Variants in ZFYVE28 observed in about 807,000 individuals in gnomAD.
ZFYVE28 encodes the protein lateral signaling target protein 2 homolog.
ZFYVE28 carries 40 observed loss-of-function variants against 82.1 expected under a neutral mutation model. The observed-to-expected ratio is 0.49, with a 90% CI of 0.38 to 0.63. The LOEUF (loss-of-function observed/expected upper bound fraction) is 0.63. ZFYVE28 is among the 30% of genes least tolerant of loss of function. The probability of loss-of-function intolerance (pLI) is 0.00; values close to 1 mark genes in which losing one functional copy is unlikely to be tolerated. For missense variants in ZFYVE28, 1,321 were observed against 1,242.1 expected, an observed-to-expected ratio of 1.06 and a Z score of -0.96; for synonymous variants, 612 against 546.1, an observed-to-expected ratio of 1.12 and a Z score of -1.68.
chr4:2,273,115 TG>T, intron 10 of ZFYVE28, 57 bp downstream of exon 10: 1 of 1,386,542 alleles, frequency 7.2e-7, no homozygotes, highest in Non-Finnish European at 1.0e-6. Context: ...CCCCTCCCTG[TG>T]GGCAGGGACA....
chr4:2,403,421 G>T (rs1054489275), intron 1 of ZFYVE28, among the ~76,000 whole-genome samples: 1 of 152,270 alleles, frequency 6.6e-6, no homozygotes, highest in Non-Finnish European at 1.5e-5. Flanking sequence ...AATTCTCGGA[G>T]CACGGCCCTG....
chr4:2,351,400 G>A (rs550568663), intron 2 of ZFYVE28, among the ~76,000 whole-genome samples: 1 of 152,282 alleles, frequency 6.6e-6, no homozygotes, highest in Non-Finnish European at 1.5e-5. Flanking sequence ...TTTCCATATA[G>A]GAGCACCAAA....
chr4:2,279,255 A>C (rs548203387), intron 8 of ZFYVE28, among the ~76,000 whole-genome samples: 2 of 152,254 alleles, frequency 1.3e-5, no homozygotes, highest in East Asian at 1.9e-4. Context: ...AACTTGGTGA[A>C]ACCCCGTCTC....
At chr4:2,270,936 C>T (rs1374135200) in intron 12 of ZFYVE28, 80 bp from the exon 13 acceptor site, 3 of 1,540,890 alleles carry the variant, frequency 1.9e-6, no homozygotes, top group Non-Finnish European at 2.6e-6. Flanking sequence ...CACACACCTA[C>T]CCACCCAGCT....
At chr4:2,383,461 T>G (rs1728934037) in intron 1 of ZFYVE28, among the ~76,000 whole-genome samples, 1 of 152,110 alleles carries the variant, frequency 6.6e-6, no homozygotes. Context: ...GAACTACAAG[T>G]CTAATTAAAC....
chr4:2,332,790 C>G lies in ZFYVE28; in HGVS notation c.701+2915G>C, dbSNP rs1351687172. Among the ~76,000 whole-genome samples, 1 of 152,060 alleles carries G rather than the reference C, an allele frequency of 6.6e-6. No individual in the cohort carries two copies. Among genetic ancestry groups the G allele is most frequent in the African/African-American group, 2.4e-5 (1 of 41,388 alleles). ...GCGGCCTTAGGAACAGCTGCCCACT[C>G]AGCACTCACCCGCTCAGCACTCACC... On this transcript the variant is annotated intron_variant, in intron 6 of 12. Coordinates refer to ENST00000290974, the MANE Select transcript of ZFYVE28 (RefSeq NM_020972.3). The surrounding 1 kb of genome is among the most constrained non-coding windows in gnomAD (Gnocchi z 4.7).
chr4:2,308,677 G>GAAAGAAAGAAAGAA (rs1176221450), intron 7 of ZFYVE28, among the ~76,000 whole-genome samples: 1 of 76,490 alleles, frequency 1.3e-5, no homozygotes, highest in East Asian at 3.6e-4. Context: ...AAGAAAGAAA[G>GAAAGAAAGAAAGAA]AGAAAGAAAG....
At chr4:2,295,010 T>C (rs940370611) in intron 8 of ZFYVE28, among the ~76,000 whole-genome samples, 4 of 151,726 alleles carry the variant, frequency 2.6e-5, no homozygotes, top group Non-Finnish European at 5.9e-5. Flanking sequence ...GAAATGCAAA[T>C]TAAAACTACA....
intron 1 of ZFYVE28, among the ~76,000 whole-genome samples, chr4:2,392,021 G>A (rs1729892502): frequency 6.6e-6 from 1 of 151,970 alleles, no homozygotes; most frequent in African/African-American, 2.4e-5. Flanking sequence ...TGGTATGGTG[G>A]TGAGCGCCTA....
chr4:2,413,921 T>C (rs1287102020), intron 1 of ZFYVE28, among the ~76,000 whole-genome samples: 1 of 152,106 alleles, frequency 6.6e-6, no homozygotes, highest in Non-Finnish European at 1.5e-5. Flanking sequence ...GCTGTATACT[T>C]CTGGGGGATC....
chr4:2,311,484 C>T (rs1203443786), intron 7 of ZFYVE28, among the ~76,000 whole-genome samples: 3 of 152,164 alleles, frequency 2.0e-5, no homozygotes, highest in Admixed American at 1.3e-4. Context: ...CGAGATCGCA[C>T]CACTGTACTC....
intron 7 of ZFYVE28, among the ~76,000 whole-genome samples, chr4:2,317,468 C>T (rs1010185150): frequency 3.0e-4 from 46 of 152,258 alleles, no homozygotes; most frequent in African/African-American, 1.1e-3. Flanking sequence ...TGCGCTTAGG[C>T]CTGGTTACTG....
chr4:2,410,454 CTTTT>C (rs11358765), intron 1 of ZFYVE28, among the ~76,000 whole-genome samples: 16 of 119,328 alleles, frequency 1.3e-4, no homozygotes, highest in South Asian at 2.8e-4. Context: ...TCCTCCCTTT[CTTTT>C]TTTTTTTTTT....
In ZFYVE28 at chr4:2,362,818, T is replaced by C. The variant is rs1314556300; in HGVS notation, c.40-8745A>G. Among the ~76,000 whole-genome samples the C allele has an allele frequency of 6.6e-6, 1 of 151,728 alleles. No individual in the cohort carries two copies. The highest frequency in any genetic ancestry group is 1.5e-5 in the Non-Finnish European group (1 of 67,926). On this transcript the variant is annotated intron_variant, in intron 1 of 12. Transcript: ENST00000290974. This position sits in a 1 kb window ranked among gnomAD's most constrained non-coding sequence, Gnocchi z 5.1. Reference sequence around the variant, plus strand: ...CTCCTCTGGGGTCAGGGAGCTGCAGTGGGCACGCTGGGTCAGCAGGAGGCC... The same window carrying C: ...CTCCTCTGGGGTCAGGGAGCTGCAGCGGGCACGCTGGGTCAGCAGGAGGCC...
intron 1 of ZFYVE28, among the ~76,000 whole-genome samples, chr4:2,369,883 G>A (rs1222362281): frequency 2.1e-4 from 22 of 104,860 alleles, no homozygotes; most frequent in African/African-American, 7.6e-4. Context: ...ACAGAGTCTC[G>A]CTCTGTCACC....
intron 7 of ZFYVE28, chr4:2,307,195 T>TA (rs1716710977): frequency 6.6e-6 from 1 of 152,218 alleles, no homozygotes; most frequent in Non-Finnish European, 1.5e-5. Context: ...AGCCCTTAGA[T>TA]TTTCTCTATG....
chr4:2,328,247 G>T (rs1720164060), intron 6 of ZFYVE28, among the ~76,000 whole-genome samples: 1 of 152,180 alleles, frequency 6.6e-6, no homozygotes, highest in African/African-American at 2.4e-5. Flanking sequence ...TCTGACATTT[G>T]TGAAAAATTG....
At chr4:2,273,978 T>C in intron 9 of ZFYVE28, 84 bp downstream of exon 9, 4 of 1,492,176 alleles carry the variant, frequency 2.7e-6, no homozygotes, top group South Asian at 2.5e-5. Context: ...GAGGGGGAGG[T>C]TGTACACGCC....
rs575529633 is a variant in ZFYVE28, at chr4:2,300,858, G to A, written c.2051+3431C>T. Among the ~76,000 whole-genome samples, 27 of 152,310 alleles carry A rather than the reference G, an allele frequency of 1.8e-4. No homozygotes were observed. Among genetic ancestry groups the A allele is most frequent in the Admixed American group, 1.1e-3 (17 of 15,310 alleles). On this transcript the variant is annotated intron_variant, in intron 8 of 12. Coordinates refer to ENST00000290974, the MANE Select transcript of ZFYVE28 (RefSeq NM_020972.3). The surrounding 1 kb of genome is among the most constrained non-coding windows in gnomAD (Gnocchi z 4.6). ...CCACAACCACAGGGGCTGCAGGGGC[G>A]TCTGCCGGGCGAGCGGGTCTCACGG... is the stretch of plus-strand genomic sequence containing the variant.
Sources: allele counts gnomAD v4.1 joint callset (sites outside exome capture counted in the v4.1 genomes callset), GRCh38; gene constraint gnomAD v4.1.1; non-coding constraint Gnocchi (gnomAD v3.1); transcripts MANE v1.5; gene names NCBI Gene and HGNC (gene_info 2026-07-23, HGNC 2026-07-21).